Variants in EIF5B observed in about 807,000 individuals in gnomAD.
EIF5B encodes eukaryotic translation initiation factor 5B.
Under a neutral mutation model 147.5 loss-of-function variants are expected in EIF5B, and 47 were observed. The observed-to-expected ratio is 0.32, with a 90% CI of 0.25 to 0.41. EIF5B has a LOEUF of 0.41. Ranked by LOEUF, EIF5B falls within the 10% of genes least tolerant of loss-of-function variation. The pLI is 1.00. For missense variants in EIF5B, 1,064 were observed against 1,413.2 expected (o/e 0.75, Z 3.96); for synonymous variants, 455 against 456.2 (o/e 1.00, Z 0.03).
At chr2:99,361,029 CTTTGAAAAAGAT>C (rs1674200564) in intron 3 of EIF5B, 107 bp from the exon 4 acceptor site, 1 of 1,065,436 alleles carries the variant, frequency 9.4e-7, no homozygotes, top group African/African-American at 1.7e-5. Flanking sequence ...GTGAAAAAGA[CTTTGAAAAAGAT>C]TTTGAAATCA....
chr2:99,377,223 A>G (rs1011050261), intron 10 of EIF5B, among the ~76,000 whole-genome samples: 12 of 152,108 alleles, frequency 7.9e-5, no homozygotes, highest in African/African-American at 2.9e-4. Flanking sequence ...AAACTATTTT[A>G]GCTTTCCTTT....
chr2:99,355,875 A>C (rs1674086978), intron 1 of EIF5B, among the ~76,000 whole-genome samples: 1 of 151,942 alleles, frequency 6.6e-6, no homozygotes, highest in South Asian at 2.1e-4. Flanking sequence ...GGCGTTCCAA[A>C]GTGCTGGGAT....
intron 17 of EIF5B, among the ~76,000 whole-genome samples, chr2:99,392,530 T>C (rs1674959603): frequency 6.6e-6 from 1 of 152,206 alleles, no homozygotes; most frequent in Admixed American, 6.5e-5. Context: ...TTCTTGGATG[T>C]TAGGTTTTAA....
At chr2:99,388,436 G>GT (rs10688695) in intron 14 of EIF5B, among the ~76,000 whole-genome samples, 68,294 of 151,552 alleles carry the variant, frequency 0.45, 15,651 homozygotes, top group Admixed American at 0.59. Context: ...TGTTTTTTTG[G>GT]TTTTTTTGTC....
intron 1 of EIF5B, among the ~76,000 whole-genome samples, chr2:99,344,879 T>A (rs1391753857): frequency 1.3e-5 from 2 of 152,242 alleles, no homozygotes; most frequent in African/African-American, 2.4e-5. Flanking sequence ...TCATATGTAT[T>A]CTGCCCCCTC....
At chr2:99,364,167 T>C in intron 5 of EIF5B, 104 bp from the exon 6 acceptor site, 1 of 1,418,054 alleles carries the variant, frequency 7.1e-7, no homozygotes, top group Non-Finnish European at 9.5e-7. Context: ...CATAATACTT[T>C]GCATGTGTCT....
intron 1 of EIF5B, among the ~76,000 whole-genome samples, chr2:99,350,309 A>G (rs989373764): frequency 6.6e-5 from 10 of 152,214 alleles, no homozygotes; most frequent in Non-Finnish European, 1.3e-4. Flanking sequence ...TATAGACCCA[A>G]TGGTGGAATT....
chr2:99,370,344 G>A (rs966550908), intron 8 of EIF5B, among the ~76,000 whole-genome samples: 1 of 152,144 alleles, frequency 6.6e-6, no homozygotes, highest in African/African-American at 2.4e-5. Flanking sequence ...TGGTATTCAA[G>A]AGAATCCCCA....
chr2:99,384,493 T>C (rs1277254084), intron 14 of EIF5B, among the ~76,000 whole-genome samples: 1 of 152,224 alleles, frequency 6.6e-6, no homozygotes, highest in East Asian at 1.9e-4. Flanking sequence ...TCAAGTATTG[T>C]TACTTAAGAA....
rs1675261394 is a variant in EIF5B at position 99,400,708 on chromosome 2, A to C, written c.*1294A>C. 6.6e-6 allele frequency: 1 copy of C among 152,250 alleles called. No homozygotes were observed. 9.4% of individuals were successfully genotyped at this position (152,250 alleles called of 1,614,324 possible). On this transcript the variant is annotated 3_prime_UTR_variant, in exon 24 of 24. Transcript: ENST00000289371. Reference sequence around the variant, plus strand: ...ATTCAAAATATGTAGATTTCTCCGCATGGAAGAAGTAGTAAAGATTTTCTT... The same window carrying C: ...ATTCAAAATATGTAGATTTCTCCGCCTGGAAGAAGTAGTAAAGATTTTCTT...
intron 8 of EIF5B, among the ~76,000 whole-genome samples, chr2:99,369,788 A>G (rs947052487): frequency 3.3e-5 from 5 of 152,184 alleles, no homozygotes; most frequent in African/African-American, 1.2e-4. Flanking sequence ...CATCCTGGCT[A>G]ACACGGTGAA....
intron 1 of EIF5B, among the ~76,000 whole-genome samples, chr2:99,348,431 C>T (rs2094277721): frequency 6.6e-6 from 1 of 152,124 alleles, no homozygotes; most frequent in African/African-American, 2.4e-5. Context: ...GCTGGGCTTT[C>T]CCTTCTTTTG....
At chr2:99,398,080 C>A (rs1208827271) in intron 22 of EIF5B, 2 of 152,200 alleles carry the variant, frequency 1.3e-5, no homozygotes, top group Non-Finnish European at 2.9e-5. Context: ...GTTCCAGCCT[C>A]ATCTAGTACT....
rs547670018 is a variant in EIF5B at position 99,338,435 on chromosome 2, C to G, written c.35+846C>G. On this transcript the variant is annotated intron_variant, in intron 1 of 23. Coordinates refer to ENST00000289371, the MANE Select transcript of EIF5B (RefSeq NM_015904.4). ...TGTTACATTACACGTTCGTACACTA[C>G]CCACCAAACTTAAATACGAGGCGGA... The G allele has an allele frequency of 3.5e-6, 3 of 861,748 alleles. No homozygotes were observed. The African/African-American group carries it at 5.2e-5, about 15-fold the overall frequency. 53.4% of individuals were successfully genotyped at this position (861,748 alleles called of 1,614,324 possible).
chr2:99,395,671 T>A (rs1204125537), intron 21 of EIF5B, among the ~76,000 whole-genome samples: 1 of 152,086 alleles, frequency 6.6e-6, no homozygotes, highest in Admixed American at 6.6e-5. Flanking sequence ...TTGACACATG[T>A]TGAGAAGTGC....
In EIF5B at chr2:99,338,052, G is replaced by A. The variant is rs545036721; in HGVS notation, c.35+463G>A. Among the ~76,000 whole-genome samples the A allele has an allele frequency of 2.9e-3, 447 of 152,338 alleles. 4 individuals are homozygous for A. Among genetic ancestry groups the A allele is most frequent in the African/African-American group, 0.01 (428 of 41,576 alleles). Reference sequence around the variant, plus strand: ...TACTCGCGGTTTCAGGTACGTTAGAGTTATGGGGAGGTGTTTAGCAGTTCG... The same window carrying A: ...TACTCGCGGTTTCAGGTACGTTAGAATTATGGGGAGGTGTTTAGCAGTTCG... On this transcript the variant is annotated intron_variant, in intron 1 of 23. Transcript: ENST00000289371.
chr2:99,348,809 A>AT (rs2094278423), intron 1 of EIF5B, among the ~76,000 whole-genome samples: 1 of 152,148 alleles, frequency 6.6e-6, no homozygotes, highest in South Asian at 2.1e-4. Context: ...TGTAGTTTGG[A>AT]TTTTACACTT....
chr2:99,376,903 T>C (rs1250249684), intron 10 of EIF5B, among the ~76,000 whole-genome samples: 1 of 152,216 alleles, frequency 6.6e-6, no homozygotes, highest in East Asian at 1.9e-4. Context: ...CTTTGAGTGA[T>C]AGTTTATAAG....
intron 1 of EIF5B, among the ~76,000 whole-genome samples, chr2:99,350,832 A>G (rs2105338566): frequency 6.6e-6 from 1 of 152,300 alleles, no homozygotes; most frequent in South Asian, 2.1e-4. Context: ...ATAGTTTCAT[A>G]GTTTTGGATT....
Sources: allele counts gnomAD v4.1 joint callset (sites outside exome capture counted in the v4.1 genomes callset), GRCh38; gene constraint gnomAD v4.1.1; transcripts MANE v1.5; gene names NCBI Gene and HGNC (gene_info 2026-07-23, HGNC 2026-07-21).